Variants in KCTD1 observed in about 807,000 individuals in gnomAD.
The protein encoded by KCTD1 is potassium channel tetramerization domain containing 1.
A neutral mutation model predicts 66.0 loss-of-function variants in KCTD1; 24 were observed. The ratio of observed to expected loss-of-function variants is 0.36; its 90% CI spans 0.26 to 0.51. The LOEUF (loss-of-function observed/expected upper bound fraction) is 0.51, where lower values mean the gene tolerates loss of function less well. Ranked by LOEUF, KCTD1 falls within the 20% of genes least tolerant of loss-of-function variation. KCTD1 has a pLI of 0.95. For missense variants in KCTD1, 943 were observed against 1,205.2 expected (o/e 0.78, Z 3.22); for synonymous variants, 511 against 517.2 (o/e 0.99, Z 0.16).
chr18:26,602,261 G>A (rs929184472), intron 1 of KCTD1, among the ~76,000 whole-genome samples: 4 of 152,160 alleles, frequency 2.6e-5, no homozygotes, highest in Admixed American at 2.0e-4. Flanking sequence ...TATAAGACAT[G>A]ATTGATTTTC....
rs1321953569 is a variant in KCTD1, at chr18:26,608,501, C to T, written c.-16+20646G>A. On this transcript the variant is annotated intron_variant, in intron 1 of 4. Transcript: ENST00000317932. ...GACAGAAAGAACCTGAAGAAAGGCA[C>T]GAAAGCCATCCTTCTGCTCACTGTA... is the stretch of plus-strand genomic sequence containing the variant. Among the ~76,000 whole-genome samples, 8 of 152,314 alleles carry T rather than the reference C, an allele frequency of 5.3e-5. No individual in the cohort carries two copies. In the South Asian group the frequency reaches 1.0e-3, roughly 20 times the overall value.
chr18:26,556,754 T>C lies in KCTD1; in HGVS notation c.-15-55504A>G, dbSNP rs1448794289. 3.9e-5 allele frequency among the ~76,000 whole-genome samples: 6 copies of C among 152,176 alleles called. No homozygotes were observed. In the East Asian group the frequency reaches 9.6e-4, roughly 24 times the overall value. On this transcript the variant is annotated intron_variant, in intron 1 of 4. Transcript: ENST00000317932. ...TGTGTAGAAACCCAGAGAGCTTCAA[T>C]AACTTGCCCAACCTCACAGAGTTAG...
At chr18:26,487,163 A>C (rs1433554227) in intron 2 of KCTD1, among the ~76,000 whole-genome samples, 1 of 152,194 alleles carries the variant, frequency 6.6e-6, no homozygotes, top group African/African-American at 2.4e-5. Context: ...ACAGTATTGA[A>C]AGGTGGTTGG....
At chr18:26,632,843 T>C (rs1243999741), upstream of KCTD1, among the ~76,000 whole-genome samples, 3 of 152,058 alleles carry the variant, frequency 2.0e-5, no homozygotes, top group African/African-American at 7.2e-5. Flanking sequence ...TTATTGGATA[T>C]GAAAATGGAA....
At chr18:26,545,739 A>G (rs1021879886) in intron 1 of KCTD1, 1 of 152,054 alleles carries the variant, frequency 6.6e-6, no homozygotes, top group African/African-American at 2.4e-5. Context: ...CAAAACATGA[A>G]TATAACTTTA....
intron 1 of KCTD1, among the ~76,000 whole-genome samples, chr18:26,636,253 A>T (rs1987721196): frequency 6.6e-6 from 1 of 152,178 alleles, no homozygotes; most frequent in African/African-American, 2.4e-5. Context: ...TGTCTATTTC[A>T]TGGCGGTCTG....
chr18:26,464,348 G>A (rs764285571), intron 3 of KCTD1, among the ~76,000 whole-genome samples: 7 of 152,078 alleles, frequency 4.6e-5, no homozygotes, highest in African/African-American at 1.7e-4. Flanking sequence ...CTCTAACCCC[G>A]GCCCTCCTGC....
intron 3 of KCTD1, among the ~76,000 whole-genome samples, chr18:26,461,790 C>CTT (rs981326634): frequency 2.6e-5 from 4 of 152,188 alleles, no homozygotes; most frequent in African/African-American, 9.7e-5. Flanking sequence ...AATTACAAAA[C>CTT]TTAGCACAAG....
intron 1 of KCTD1, among the ~76,000 whole-genome samples, chr18:26,618,744 A>G (rs1385401085): frequency 6.6e-6 from 1 of 152,202 alleles, no homozygotes; most frequent in Non-Finnish European, 1.5e-5. Flanking sequence ...GAAAAATTCA[A>G]CTGTTTTCCA....
intron 1 of KCTD1, among the ~76,000 whole-genome samples, chr18:26,621,735 A>C (rs477923): frequency 1 from 152,333 of 152,376 alleles, 76,145 homozygotes; most frequent in Middle Eastern, 1. Context: ...AATACAATTT[A>C]TCTTGTTAAA....
chr18:26,460,206 A>G (rs1980344301), intron 3 of KCTD1, among the ~76,000 whole-genome samples: 1 of 152,178 alleles, frequency 6.6e-6, no homozygotes, highest in Non-Finnish European at 1.5e-5. Flanking sequence ...ATGCCCAGTG[A>G]ATTAGGAACC....
intron 1 of KCTD1, among the ~76,000 whole-genome samples, chr18:26,613,979 G>A (rs1324140918): frequency 6.6e-6 from 1 of 152,098 alleles, no homozygotes; most frequent in Non-Finnish European, 1.5e-5. Flanking sequence ...TTAACAGAGC[G>A]TTGCAGCCCC....
chr18:26,656,919 G>C (rs911545564), intron 1 of KCTD1, among the ~76,000 whole-genome samples: 38 of 150,166 alleles, frequency 2.5e-4, no homozygotes, highest in Admixed American at 5.3e-4. Context: ...GGAGGGCGGG[G>C]GAGAGCCGCG....
chr18:26,641,139 C>A (rs553515660), upstream of KCTD1, among the ~76,000 whole-genome samples: 22 of 152,266 alleles, frequency 1.4e-4, no homozygotes, highest in Non-Finnish European at 2.8e-4. Flanking sequence ...CCTGTTTATA[C>A]CCTCACCTCC....
Position 26,476,763 on chromosome 18 carries a change from T to G in KCTD1, c.1989-104A>C. Reference sequence around the variant, plus strand: ...CTGTCAAAGGTAGCACTTTTGAAGATGGCAGTAGGGAAAAATTACGATTGT... The same window carrying G: ...CTGTCAAAGGTAGCACTTTTGAAGAGGGCAGTAGGGAAAAATTACGATTGT... On this transcript the variant is annotated intron_variant, in intron 2 of 4. Coordinates refer to ENST00000580059, the MANE Select transcript of KCTD1 (RefSeq NM_001142730.3). The surrounding 1 kb of genome is among the most constrained non-coding windows in gnomAD (Gnocchi z 4.9). 1 of 980,130 alleles carries G rather than the reference T, an allele frequency of 1.0e-6. No individual in the cohort carries two copies. The highest frequency in any genetic ancestry group is 1.5e-5 in the South Asian group (1 of 66,878). 60.7% of individuals were successfully genotyped at this position (980,130 alleles called of 1,614,324 possible). A position where few individuals can be genotyped will look rare whatever the true frequency, so the allele number is the denominator to read the frequency against.
chr18:26,455,453 C>T lies in KCTD1; in HGVS notation c.*290G>A, dbSNP rs1055695170. 49 of 174,278 alleles carry T rather than the reference C, an allele frequency of 2.8e-4. No homozygotes were observed. Among genetic ancestry groups the T allele is most frequent in the Middle Eastern group, 2.5e-3 (1 of 402 alleles). The allele number at this position is 174,278 out of a possible 1,614,324, so 10.8% of individuals were successfully genotyped here. A position where few individuals can be genotyped will look rare whatever the true frequency, so the allele number is the denominator to read the frequency against. On this transcript the variant is annotated 3_prime_UTR_variant, in exon 5 of 5. Transcript: ENST00000580059. ...GCCTCGGAAGGCCCAGGACACTTCA[C>T]GGCCATCACAGCACCAACTGCGGCT...
At chr18:26,540,239 G>A (rs751708543) in intron 1 of KCTD1, among the ~76,000 whole-genome samples, 6 of 152,206 alleles carry the variant, frequency 3.9e-5, no homozygotes, top group Non-Finnish European at 5.9e-5. Flanking sequence ...CACAAAGGAA[G>A]CAACATCTGT....
chr18:26,526,330 A>G (rs1984157923), intron 1 of KCTD1, among the ~76,000 whole-genome samples: 1 of 152,208 alleles, frequency 6.6e-6, no homozygotes, highest in South Asian at 2.1e-4. Context: ...ATGAAATTCA[A>G]GAAATCTGCG....
chr18:26,585,278 G>A (rs1157450298), intron 1 of KCTD1, among the ~76,000 whole-genome samples: 3 of 152,068 alleles, frequency 2.0e-5, no homozygotes, highest in Admixed American at 2.0e-4. Context: ...TTTCAATTAT[G>A]GTAAGATCAT....
Sources: allele counts gnomAD v4.1 joint callset (sites outside exome capture counted in the v4.1 genomes callset), GRCh38; gene constraint gnomAD v4.1.1; non-coding constraint Gnocchi (gnomAD v3.1); transcripts MANE v1.5; gene names NCBI Gene and HGNC (gene_info 2026-07-23, HGNC 2026-07-21).